The following TMC1 variants were observed in gnomAD, a reference collection of about 807,000 sequenced individuals.
TMC1 encodes the protein transmembrane channel like 1.
A neutral mutation model predicts 105.8 loss-of-function variants in TMC1; 84 were observed. The observed-to-expected ratio is 0.79, with a 90% CI of 0.67 to 0.95. The LOEUF (loss-of-function observed/expected upper bound fraction) is 0.95, where lower values mean the gene tolerates loss of function less well. TMC1 is among the 40% of genes least tolerant of loss of function. The pLI is 0.00. For missense variants in TMC1, 817 were observed against 914.1 expected, an observed-to-expected ratio of 0.89 and a Z score of 1.37; for synonymous variants, 315 against 311.5, an observed-to-expected ratio of 1.01 and a Z score of -0.12.
At chr9:72,735,320 GT>G (rs1827279589) in intron 8 of TMC1, among the ~76,000 whole-genome samples, 1 of 152,268 alleles carries the variant, frequency 6.6e-6, no homozygotes, top group African/African-American at 2.4e-5. Context: ...GATATTCAAA[GT>G]TTATCCACAA....
chr9:72,821,583 T>C (rs911114152), intron 20 of TMC1, among the ~76,000 whole-genome samples: 5 of 152,190 alleles, frequency 3.3e-5, no homozygotes, highest in African/African-American at 1.2e-4. Context: ...AGGCAAGTTC[T>C]GTCTATTTCC....
At chr9:72,805,568 A>G in intron 18 of TMC1, 58 bp downstream of exon 18, 3 of 1,455,018 alleles carry the variant, frequency 2.1e-6, no homozygotes, top group Non-Finnish European at 1.9e-6. Flanking sequence ...TTTTTTATTG[A>G]TAATTCTTGG....
At chr9:72,535,190 T>C (rs1823560801) in intron 1 of TMC1, among the ~76,000 whole-genome samples, 1 of 152,212 alleles carries the variant, frequency 6.6e-6, no homozygotes, top group African/African-American at 2.4e-5. Flanking sequence ...AGTTCACCTC[T>C]GTTCCAAGGG....
chr9:72,668,955 T>C (rs1826085198), intron 5 of TMC1, among the ~76,000 whole-genome samples: 2 of 152,206 alleles, frequency 1.3e-5, no homozygotes, highest in South Asian at 4.1e-4. Flanking sequence ...TCTCAGTTTT[T>C]GTCTCCCTAC....
At chr9:72,584,953 T>G (rs1232997811) in intron 2 of TMC1, among the ~76,000 whole-genome samples, 1 of 150,434 alleles carries the variant, frequency 6.6e-6, no homozygotes, top group Non-Finnish European at 1.5e-5. Flanking sequence ...CCTGGCTAAT[T>G]TTTGAATTTT....
chr9:72,724,273 G>A (rs1255482169), intron 8 of TMC1, among the ~76,000 whole-genome samples: 1 of 152,186 alleles, frequency 6.6e-6, no homozygotes, highest in African/African-American at 2.4e-5. Flanking sequence ...ACTGGCACCT[G>A]GCAAGGGTCA....
intron 7 of TMC1, among the ~76,000 whole-genome samples, chr9:72,697,196 A>T (rs917946299): frequency 6.6e-6 from 1 of 152,180 alleles, no homozygotes; most frequent in South Asian, 2.1e-4. Flanking sequence ...CACTGGGTTT[A>T]TGATGATAAC....
In TMC1 at chr9:72,619,860, G is replaced by C. The variant is rs951869274; in HGVS notation, c.-196+3383G>C. Among the ~76,000 whole-genome samples, 7 of 151,938 alleles carry C rather than the reference G, an allele frequency of 4.6e-5. No homozygotes were observed. The East Asian group carries it at 1.4e-3, about 29-fold the overall frequency. On this transcript the variant is annotated intron_variant, in intron 3 of 23. Transcript: ENST00000297784. ...TTATTTATTTATTTACTTTGAGACA[G>C]AGTCTCGCTCTGTCACCAGGCTGGA...
Position 72,805,463 on chromosome 9 carries a change from G to C in TMC1, c.1648G>C (p.Val550Leu). ...LIGDFLRACF[V>L]RFCNYCWCWD... ...TGGGGACTTTCTAAGGGCATGTTTT[G>C]TGAGGTTTTGCAATTATTGCTGGTG... The change falls in exon 18 of 24, where the codon GTG becomes CTG. Residue 550 changes from valine (V) to leucine (L), a missense_variant. Coordinates refer to ENST00000297784, the MANE Select transcript of TMC1 (RefSeq NM_138691.3). 1 of 1,613,306 alleles carries C rather than the reference G, an allele frequency of 6.2e-7. No individual in the cohort carries two copies. Among genetic ancestry groups the C allele is most frequent in the South Asian group, 1.1e-5 (1 of 91,054 alleles).
chr9:72,745,016 G>C (rs1827466334), intron 10 of TMC1, among the ~76,000 whole-genome samples: 1 of 152,146 alleles, frequency 6.6e-6, no homozygotes, highest in Non-Finnish European at 1.5e-5. Context: ...CTGGAAAATT[G>C]AGGCAAATGT....
At chr9:72,551,912 C>T (rs969351630) in intron 1 of TMC1, among the ~76,000 whole-genome samples, 10 of 151,954 alleles carry the variant, frequency 6.6e-5, no homozygotes, top group Non-Finnish European at 1.0e-4. Flanking sequence ...CAAATATTGC[C>T]GGCAATATCA....
intron 1 of TMC1, among the ~76,000 whole-genome samples, chr9:72,559,232 T>C (rs184696439): frequency 2.8e-3 from 432 of 152,090 alleles, no homozygotes; most frequent in Non-Finnish European, 5.3e-3. Flanking sequence ...GTAGCTGGGA[T>C]TACAGGAGTG....
intron 11 of TMC1, 99 bp downstream of exon 11, chr9:72,752,055 T>C (rs1827589002): frequency 6.9e-6 from 6 of 870,080 alleles, no homozygotes; most frequent in Non-Finnish European, 1.2e-5. Context: ...CTGGCTATTT[T>C]CACGTCTTAG....
rs1167205334 is a variant in TMC1, at chr9:72,764,401, G to A, written c.742-8012G>A. ...CTAATATGCTTTTAATCTCCTCCTT[G>A]CGAAATGAAAGAAGACAACTTTTTT... On this transcript the variant is annotated intron_variant, in intron 12 of 23. Transcript: ENST00000297784. Among the ~76,000 whole-genome samples, 6 of 150,244 alleles carry A rather than the reference G, an allele frequency of 4.0e-5. No individual in the cohort carries two copies. In the South Asian group the frequency reaches 6.2e-4, roughly 16 times the overall value.
chr9:72,541,095 G>A (rs1823668063), intron 1 of TMC1, among the ~76,000 whole-genome samples: 1 of 152,030 alleles, frequency 6.6e-6, no homozygotes, highest in African/African-American at 2.4e-5. Flanking sequence ...ATGCCAAATT[G>A]TTCTTCAGTT....
At chr9:72,782,455 G>C (rs1828109001) in intron 13 of TMC1, among the ~76,000 whole-genome samples, 1 of 152,116 alleles carries the variant, frequency 6.6e-6, no homozygotes, top group Admixed American at 6.6e-5. Context: ...GGAAGTCCTA[G>C]CCAGAGCAAT....
At chr9:72,601,350 A>G (rs949700410) in intron 2 of TMC1, among the ~76,000 whole-genome samples, 4 of 152,020 alleles carry the variant, frequency 2.6e-5, no homozygotes, top group Admixed American at 2.6e-4. Context: ...TACAAAAAAT[A>G]TTTGAAAAAT....
intron 5 of TMC1, among the ~76,000 whole-genome samples, chr9:72,649,443 T>G (rs1825766005): frequency 6.6e-6 from 1 of 152,190 alleles, no homozygotes; most frequent in Admixed American, 6.5e-5. Flanking sequence ...TTTTGTTAGC[T>G]TACTCATTTA....
At chr9:72,768,198 T>C (rs1327350424) in intron 12 of TMC1, among the ~76,000 whole-genome samples, 3 of 151,970 alleles carry the variant, frequency 2.0e-5, no homozygotes, top group Admixed American at 6.6e-5. Flanking sequence ...CTGGAAACCA[T>C]CATTCTCAGC....
Sources: allele counts gnomAD v4.1 joint callset (sites outside exome capture counted in the v4.1 genomes callset), GRCh38; gene constraint gnomAD v4.1.1; transcripts MANE v1.5; gene names NCBI Gene and HGNC (gene_info 2026-07-23, HGNC 2026-07-21).